The following CENPK variants were observed in gnomAD, a reference collection of about 807,000 sequenced individuals.
CENPK encodes the protein centromere protein K.
CENPK carries 46 observed loss-of-function variants against 40.9 expected under a neutral mutation model. That is an observed-to-expected ratio of 1.13 (90% confidence interval 0.89 to 1.44). The LOEUF is 1.44. CENPK is among the 40% of genes most tolerant of loss of function. The pLI, the probability that CENPK is intolerant of heterozygous loss-of-function variation, is 0.00. For synonymous variants in CENPK, 107 were observed against 104.4 expected, an observed-to-expected ratio of 1.02 and a Z score of -0.15; for missense variants, 288 against 303.5, an observed-to-expected ratio of 0.95 and a Z score of 0.38.
chr5:65,513,540 TCTCTCTCTCTA>T (rs1742656077), downstream of CENPK, among the ~76,000 whole-genome samples: 1 of 152,022 alleles, frequency 6.6e-6, no homozygotes, highest in Admixed American at 6.6e-5. Flanking sequence ...TTCTTTCTTC[TCTCTCTCTCTA>T]CTCTCTTTTG....
At chr5:65,511,859 C>G in the CENPK span, among the ~76,000 whole-genome samples, 11,276 of 152,246 alleles carry the variant, frequency 0.074, 425 homozygotes, top group East Asian at 0.096. Context: ...AAACTGGTCC[C>G]TGGTGACAAA....
rs181505462 is a variant in CENPK at position 65,543,981 on chromosome 5, C to T, written c.242-1133G>A. Among the ~76,000 whole-genome samples, 4 of 152,232 alleles carry T rather than the reference C, an allele frequency of 2.6e-5. No individual in the cohort carries two copies. The East Asian group carries it at 7.7e-4, about 29-fold the overall frequency. ...ATAGCAAATTTTAATGCGTTCAATCCTTATGCTAGAAATTTTCCTTTACTA... is the reference window on the plus strand; with the variant it reads ...ATAGCAAATTTTAATGCGTTCAATCTTTATGCTAGAAATTTTCCTTTACTA... On this transcript the variant is annotated intron_variant, in intron 5 of 10. Transcript: ENST00000396679.
intron 6 of CENPK, 183 bp from the exon 7 acceptor site, chr5:65,529,382 T>C (rs758795526): frequency 1.4e-4 from 70 of 495,142 alleles, no homozygotes; most frequent in South Asian, 2.9e-4. Flanking sequence ...TAATATTCTA[T>C]GGTTAAATTA....
At position 65,526,281 on chromosome 5, in the gene CENPK, C is replaced by G. The variant is rs1454594054; in HGVS notation, c.597+2171G>C. Among the ~76,000 whole-genome samples, 3 of 151,972 alleles carry G rather than the reference C, an allele frequency of 2.0e-5. No individual in the cohort carries two copies. The East Asian group carries it at 5.8e-4, about 29-fold the overall frequency. On this transcript the variant is annotated intron_variant, in intron 9 of 10. Coordinates refer to ENST00000396679, the MANE Select transcript of CENPK (RefSeq NM_022145.5). ...CAGTGAGTTGTTGCAAGATTAAGGT[C>G]ATAAAGAGGCAAGGAATCATGACTT...
At chr5:65,535,716 T>C (rs1163755298) in intron 6 of CENPK, among the ~76,000 whole-genome samples, 1 of 152,210 alleles carries the variant, frequency 6.6e-6, no homozygotes, top group African/African-American at 2.4e-5. Flanking sequence ...TGTAATGTTC[T>C]CTCTCACTTT....
intron 5 of CENPK, 70 bp downstream of exon 5, chr5:65,551,494 C>A: frequency 4.6e-6 from 4 of 863,818 alleles, no homozygotes; most frequent in South Asian, 2.1e-5. Context: ...TGTAATTTTT[C>A]CTACAATTAT....
At chr5:65,543,700 T>G (rs1267234009) in intron 5 of CENPK, among the ~76,000 whole-genome samples, 4 of 152,228 alleles carry the variant, frequency 2.6e-5, no homozygotes, top group Non-Finnish European at 5.9e-5. Flanking sequence ...GTCTAGTTTC[T>G]AGTCATAACA....
chr5:65,520,684 G>A (rs1027574177), intron 10 of CENPK, among the ~76,000 whole-genome samples: 2 of 152,142 alleles, frequency 1.3e-5, no homozygotes, highest in East Asian at 1.9e-4. Flanking sequence ...AAACTTGTCA[G>A]CTGGGCAAAA....
rs936984505 is a variant in CENPK, at chr5:65,537,517, G to C, written c.288+5285C>G. 2.0e-4 allele frequency among the ~76,000 whole-genome samples: 31 copies of C among 152,230 alleles called. 1 individual carries two copies. Among genetic ancestry groups the C allele is most frequent in the Admixed American group, 3.9e-4 (6 of 15,286 alleles). ...GACGGGGTTTCGCCGTGCTAGCCAG[G>C]ATGGTCTCTCCTGACCTCGTGATCT... On this transcript the variant is annotated intron_variant, in intron 6 of 10. Coordinates refer to ENST00000396679, the MANE Select transcript of CENPK (RefSeq NM_022145.5).
intron 5 of CENPK, among the ~76,000 whole-genome samples, chr5:65,545,564 C>T (rs192483071): frequency 1.3e-5 from 2 of 152,150 alleles, no homozygotes; most frequent in Non-Finnish European, 2.9e-5. Flanking sequence ...AGAAAAACTA[C>T]GACAATTTGT....
At chr5:65,529,509 A>G (rs1159885604) in intron 6 of CENPK, 2 of 198,968 alleles carry the variant, frequency 1.0e-5, no homozygotes, top group South Asian at 7.8e-5. Context: ...TTTTTTTTTG[A>G]GACAGTCTCA....
chr5:65,537,289 T>C (rs563252051), intron 6 of CENPK, among the ~76,000 whole-genome samples: 7 of 152,306 alleles, frequency 4.6e-5, no homozygotes, highest in African/African-American at 1.7e-4. Context: ...AAATAAACTT[T>C]CTCAGCTATA....
rs6871388 is a variant in CENPK, at chr5:65,551,508, A to G, written c.241+56T>C. 7.9e-3 allele frequency: 7,476 copies of G among 951,266 alleles called. 400 individuals are homozygous for G. The African/African-American group carries it at 0.12, about 15-fold the overall frequency. The allele number at this position is 951,266 out of a possible 1,614,324, so 58.9% of individuals were successfully genotyped here. A position where few individuals can be genotyped will look rare whatever the true frequency, so the allele number is the denominator to read the frequency against. Reference sequence around the variant, plus strand: ...TTGTAATTTTTCCTACAATTATTAAATTAATTTGCTATTAATAGGTTTACA... The same window carrying G: ...TTGTAATTTTTCCTACAATTATTAAGTTAATTTGCTATTAATAGGTTTACA... On this transcript the variant is annotated intron_variant, in intron 5 of 10. Transcript: ENST00000396679.
intron 10 of CENPK, among the ~76,000 whole-genome samples, chr5:65,520,936 A>C (rs1476781258): frequency 6.6e-6 from 1 of 152,212 alleles, no homozygotes; most frequent in Non-Finnish European, 1.5e-5. Flanking sequence ...GAAAAGGTCA[A>C]AGGTATTTAT....
intron 3 of CENPK, among the ~76,000 whole-genome samples, chr5:65,554,284 T>C (rs1750619476): frequency 6.6e-6 from 1 of 152,040 alleles, no homozygotes; most frequent in South Asian, 2.1e-4. Flanking sequence ...CCCGAGTAGC[T>C]GAGACTAAAG....
intron 6 of CENPK, among the ~76,000 whole-genome samples, chr5:65,539,167 A>C (rs1460252613): frequency 6.6e-6 from 1 of 152,238 alleles, no homozygotes; most frequent in Non-Finnish European, 1.5e-5. Context: ...CCTTGTCTGG[A>C]CATTCATATT....
intron 9 of CENPK, among the ~76,000 whole-genome samples, chr5:65,528,249 C>T (rs986445926): frequency 1.3e-5 from 2 of 151,592 alleles, no homozygotes; most frequent in Admixed American, 1.3e-4. Context: ...CCCCCGCCCC[C>T]CTGCCCCCAA....
intron 6 of CENPK, among the ~76,000 whole-genome samples, chr5:65,537,079 C>T (rs970917697): frequency 1.3e-5 from 2 of 152,184 alleles, no homozygotes; most frequent in African/African-American, 4.8e-5. Flanking sequence ...AAAAACAGCA[C>T]CATGCTCTTA....
the CENPK span, among the ~76,000 whole-genome samples, chr5:65,512,427 A>G: frequency 1.3e-5 from 2 of 152,144 alleles, no homozygotes; most frequent in Admixed American, 1.3e-4. Flanking sequence ...TCACTGACTT[A>G]TTTTAAGAAA....
Sources: gnomAD v4.1 joint callset for allele counts (sites outside exome capture counted in the v4.1 genomes callset) on GRCh38, gnomAD v4.1.1 for gene constraint, MANE v1.5 for transcripts, NCBI Gene and HGNC (gene_info 2026-07-23, HGNC 2026-07-21) for gene names.